The following IL1RL1 variants were observed in gnomAD, a reference collection of about 807,000 sequenced individuals.
IL1RL1 encodes interleukin-1 receptor-like 1.
A neutral mutation model predicts 50.9 loss-of-function variants in IL1RL1; 32 were observed. The ratio of observed to expected loss-of-function variants is 0.63; its 90% CI spans 0.47 to 0.84. The LOEUF (loss-of-function observed/expected upper bound fraction) is 0.84, where lower values mean the gene tolerates loss of function less well. Among genes scored for constraint, IL1RL1 ranks in the 40% least tolerant of loss-of-function variants. The probability of loss-of-function intolerance (pLI) is 0.00; values close to 1 mark genes in which losing one functional copy is unlikely to be tolerated. For missense variants in IL1RL1, 773 were observed against 662.9 expected (o/e 1.17, Z -1.82); for synonymous variants, 275 against 236.0 (o/e 1.17, Z -1.51).
At position 102,330,747 on chromosome 2, in the gene IL1RL1, G is replaced by T. The variant is rs549935254; in HGVS notation, c.-149-7369G>T. ...TTATGAGTATTTTGTCTGGACTGTG[G>T]CTTAGTCTATTCAAATTCTAATGAT... On this transcript the variant is annotated intron_variant, in intron 1 of 10. Transcript: ENST00000233954. Among the ~76,000 whole-genome samples the T allele has an allele frequency of 1.4e-4, 21 of 152,242 alleles. No homozygotes were observed. In the East Asian group the frequency reaches 3.7e-3, roughly 27 times the overall value.
chr2:102,322,681 A>G (rs1372222456), intron 1 of IL1RL1, among the ~76,000 whole-genome samples: 1 of 152,224 alleles, frequency 6.6e-6, no homozygotes, highest in Non-Finnish European at 1.5e-5. Flanking sequence ...AATTAAAAGC[A>G]TCAATCTTAC....
intron 1 of IL1RL1, among the ~76,000 whole-genome samples, chr2:102,324,966 A>C (rs1020161851): frequency 1.3e-5 from 2 of 152,206 alleles, no homozygotes; most frequent in Admixed American, 6.5e-5. Context: ...ACCTCTGCAG[A>C]CTTAAATGAA....
At chr2:102,339,831 G>GATTACAGC (rs1231985540) in intron 3 of IL1RL1, among the ~76,000 whole-genome samples, 2 of 152,178 alleles carry the variant, frequency 1.3e-5, no homozygotes, top group Admixed American at 6.5e-5. Flanking sequence ...ATTACACTGG[G>GATTACAGC]ATTACAGCAT....
intron 1 of IL1RL1, among the ~76,000 whole-genome samples, chr2:102,323,275 T>TATATATATATATATA (rs1559596435): frequency 8.7e-4 from 25 of 28,668 alleles, no homozygotes; most frequent in African/African-American, 3.1e-3. Flanking sequence ...ATATATATAG[T>TATATATATATATATA]GTGTGTGTGT....
chr2:102,331,089 G>T (rs543633318), intron 1 of IL1RL1, among the ~76,000 whole-genome samples: 2 of 152,226 alleles, frequency 1.3e-5, no homozygotes, highest in African/African-American at 4.8e-5. Flanking sequence ...TCTCTTCTTT[G>T]ATCAACATGT....
chr2:102,346,881 G>A (rs1677800060), intron 8 of IL1RL1, among the ~76,000 whole-genome samples: 2 of 152,092 alleles, frequency 1.3e-5, no homozygotes, highest in South Asian at 2.1e-4. Flanking sequence ...GACTTAAGAC[G>A]GAAAAGAACC....
At chr2:102,328,937 C>T (rs1677092925) in intron 1 of IL1RL1, among the ~76,000 whole-genome samples, 1 of 152,122 alleles carries the variant, frequency 6.6e-6, no homozygotes, top group African/African-American at 2.4e-5. Context: ...AGATTCAATG[C>T]CATCCCCATC....
At chr2:102,348,165 C>T in intron 9 of IL1RL1, 74 bp downstream of exon 9, 1 of 1,147,744 alleles carries the variant, frequency 8.7e-7, no homozygotes, top group Non-Finnish European at 1.3e-6. Flanking sequence ...GTCTATTAAT[C>T]TTTCAGTAGC....
Position 102,332,756 on chromosome 2 carries a change from T to C in IL1RL1, c.-149-5360T>C, listed in dbSNP as rs138578568. On this transcript the variant is annotated intron_variant, in intron 1 of 10. Coordinates refer to ENST00000233954, the MANE Select transcript of IL1RL1 (RefSeq NM_016232.5). ...TAGAGTTAGTGGTTGTACCACATTG[T>C]GAATGTACCAAATGTCACTAAATTG... is the stretch of plus-strand genomic sequence containing the variant. Among the ~76,000 whole-genome samples the C allele has an allele frequency of 5.1e-4, 77 of 152,292 alleles. 1 individual carries two copies. The highest frequency in any genetic ancestry group is 3.4e-3 in the Middle Eastern group (1 of 294).
rs149944787 is a variant in IL1RL1 at position 102,314,454 on chromosome 2, A to C, written c.-150+2831A>C. On this transcript the variant is annotated intron_variant, in intron 1 of 10. Transcript: ENST00000233954. ...TATCCTAATGAAAAAACACAGAATA[A>C]AGATAGTGTCCACCAAGATGTAACT... 1.8e-3 allele frequency among the ~76,000 whole-genome samples: 280 copies of C among 152,286 alleles called. 9 individuals carry two copies. The East Asian group carries it at 0.049, about 27-fold the overall frequency.
At chr2:102,326,879 A>G (rs1215357393) in intron 1 of IL1RL1, among the ~76,000 whole-genome samples, 1 of 152,162 alleles carries the variant, frequency 6.6e-6, no homozygotes, top group African/African-American at 2.4e-5. Context: ...CTACAAAGAG[A>G]CTTAGACTCC....
At chr2:102,318,467 A>G (rs548290666) in intron 1 of IL1RL1, among the ~76,000 whole-genome samples, 44 of 152,360 alleles carry the variant, frequency 2.9e-4, no homozygotes, top group African/African-American at 1.0e-3. Context: ...GGAGAAGAAC[A>G]GGGATTCATT....
chr2:102,312,044 AT>A (rs1327699012), intron 1 of IL1RL1, among the ~76,000 whole-genome samples: 701 of 68,106 alleles, frequency 0.01, 66 homozygotes, highest in African/African-American at 0.042. Flanking sequence ...ATTAAATATT[AT>A]ATATATAATA....
rs537837779 is a variant in IL1RL1 at position 102,340,728 on chromosome 2, T to A, written c.510T>A (p.Asn170Lys). ...ACAAGTCATTTTTGGTCATTGATAA[T>A]GTGATGACTGAGGACGCAGGTGATT... is the stretch of plus-strand genomic sequence containing the variant. Reference protein sequence around the residue: ...RAHKSFLVIDNVMTEDAGDYT... With the variant: ...RAHKSFLVIDKVMTEDAGDYT... Residue 170 changes from asparagine to lysine, a missense_variant, in exon 5 of 11, where the codon AAT becomes AAA. Physicochemically the swap from Asn to Lys is moderately conservative, Grantham distance 94 (BLOSUM62 0). Transcript: ENST00000233954. 1 of 1,601,560 alleles carries A rather than the reference T, an allele frequency of 6.2e-7. No individual in the cohort carries two copies. Among genetic ancestry groups the A allele is most frequent in the African/African-American group, 1.4e-5 (1 of 74,012 alleles).
At chr2:102,321,900 C>T (rs912250742) in intron 1 of IL1RL1, among the ~76,000 whole-genome samples, 3 of 152,234 alleles carry the variant, frequency 2.0e-5, no homozygotes, top group African/African-American at 7.2e-5. Flanking sequence ...ACATTTAAAA[C>T]AGTCCGAAGT....
At chr2:102,349,404 T>TCAA (rs1304629355) in intron 10 of IL1RL1, among the ~76,000 whole-genome samples, 158 bp downstream of exon 10, 4 of 152,298 alleles carry the variant, frequency 2.6e-5, no homozygotes, top group African/African-American at 9.6e-5. Context: ...CACTTATCCT[T>TCAA]CAATCGCCCC....
intron 1 of IL1RL1, among the ~76,000 whole-genome samples, chr2:102,332,432 C>A (rs1381943196): frequency 6.6e-6 from 1 of 152,112 alleles, no homozygotes; most frequent in African/African-American, 2.4e-5. Flanking sequence ...AATGGATAAA[C>A]AAAGTGTGGT....
chr2:102,321,209 C>T (rs1055262532), intron 1 of IL1RL1, among the ~76,000 whole-genome samples: 1 of 152,218 alleles, frequency 6.6e-6, no homozygotes, highest in Admixed American at 6.5e-5. Context: ...GTATTTTTCT[C>T]CTTAAGTGGA....
intron 5 of IL1RL1, 50 bp from the exon 6 acceptor site, chr2:102,342,173 G>T: frequency 8.0e-7 from 1 of 1,251,830 alleles, no homozygotes; most frequent in South Asian, 1.2e-5. Context: ...GCTTTATATT[G>T]ACTAGCATTC....
Sources: gnomAD v4.1 joint callset for allele counts (sites outside exome capture counted in the v4.1 genomes callset) on GRCh38, gnomAD v4.1.1 for gene constraint, MANE v1.5 for transcripts, NCBI Gene and HGNC (gene_info 2026-07-23, HGNC 2026-07-21) for gene names.